ITGA8: variants seen among roughly 807,000 people sequenced by gnomAD.
ITGA8 encodes the protein integrin subunit alpha 8.
In ITGA8, 91 loss-of-function variants were observed where a neutral mutation model predicts 142.3. The observed-to-expected ratio is 0.64, with a 90% CI of 0.54 to 0.76. The LOEUF (loss-of-function observed/expected upper bound fraction) is 0.76, where lower values mean the gene tolerates loss of function less well. Among genes scored for constraint, ITGA8 ranks in the 30% least tolerant of loss-of-function variants. The pLI is 0.00. For synonymous variants in ITGA8, 505 were observed against 485.2 expected, an observed-to-expected ratio of 1.04 and a Z score of -0.54; for missense variants, 1,406 against 1,327.7, an observed-to-expected ratio of 1.06 and a Z score of -0.92.
intron 2 of ITGA8, among the ~76,000 whole-genome samples, chr10:15,711,139 C>G (rs1835355873): frequency 6.6e-6 from 1 of 152,182 alleles, no homozygotes; most frequent in Non-Finnish European, 1.5e-5. Context: ...ATAGGAATGA[C>G]ACAAGGAACA....
chr10:15,659,363 G>A (rs951575816), intron 9 of ITGA8, among the ~76,000 whole-genome samples: 1 of 152,160 alleles, frequency 6.6e-6, no homozygotes, highest in African/African-American at 2.4e-5. Flanking sequence ...GATTTAGTCA[G>A]GATTTTTGTC....
At chr10:15,605,464 C>A (rs1217377922) in intron 19 of ITGA8, among the ~76,000 whole-genome samples, 1 of 138,858 alleles carries the variant, frequency 7.2e-6, no homozygotes, top group Admixed American at 7.3e-5. Context: ...AATGAGTTTA[C>A]TTTCAACAAA....
At position 15,694,283 on chromosome 10, in the gene ITGA8, C is replaced by A. The variant is rs1440841748; in HGVS notation, c.344-6245G>T. Among the ~76,000 whole-genome samples, 5 of 83,744 alleles carry A rather than the reference C, an allele frequency of 6.0e-5. 1 individual carries two copies. The highest frequency in any genetic ancestry group is 2.2e-4 in the African/African-American group (5 of 22,836). The allele number at this position is 83,744 out of a possible 152,430, so 54.9% of individuals were successfully genotyped here. A position where few individuals can be genotyped will look rare whatever the true frequency, so the allele number is the denominator to read the frequency against. On this transcript the variant is annotated intron_variant, in intron 2 of 29. Transcript: ENST00000378076. The stretch of plus-strand genomic sequence containing the variant: ...ATACATCAGATAATATATCATACAT[C>A]AGATAATATATCATATATATGATAA...
intron 25 of ITGA8, among the ~76,000 whole-genome samples, chr10:15,566,777 A>C (rs1416663098): frequency 6.7e-6 from 1 of 148,852 alleles, no homozygotes; most frequent in Non-Finnish European, 1.5e-5. Context: ...GTGCCACTGC[A>C]CTCCAGCCCA....
intron 23 of ITGA8, among the ~76,000 whole-genome samples, chr10:15,577,856 A>G (rs1179617536): frequency 2.0e-5 from 3 of 152,216 alleles, no homozygotes; most frequent in African/African-American, 7.2e-5. Flanking sequence ...ACGTTATCCC[A>G]GTAAGACCCT....
chr10:15,531,218 C>T, intron 27 of ITGA8, 67 bp from the exon 28 acceptor site: 1 of 789,456 alleles, frequency 1.3e-6, no homozygotes, highest in Non-Finnish European at 1.9e-6. Flanking sequence ...CTGGCAGCCA[C>T]CTAATTATTT....
chr10:15,655,614 G>A (rs983022456), intron 10 of ITGA8, among the ~76,000 whole-genome samples: 3 of 152,074 alleles, frequency 2.0e-5, no homozygotes, highest in East Asian at 3.9e-4. Flanking sequence ...CCTGACATCT[G>A]CTTGGACATC....
In ITGA8 at chr10:15,644,496, T is replaced by A. The variant is rs1440184772; in HGVS notation, c.1208-275A>T. Among the ~76,000 whole-genome samples, 5 of 7,356 alleles carry A rather than the reference T, an allele frequency of 6.8e-4. 1 individual carries two copies. Among genetic ancestry groups the A allele is most frequent in the East Asian group, 0.062 (2 of 32 alleles). The allele number at this position is 7,356 out of a possible 152,430, so 4.8% of individuals were successfully genotyped here. A position where few individuals can be genotyped will look rare whatever the true frequency, so the allele number is the denominator to read the frequency against. ...TATATATATATATATATATATAGAATTTTTTTTTTTTTTTGAGCAATGGGT... is the reference window on the plus strand; with the variant it reads ...TATATATATATATATATATATAGAAATTTTTTTTTTTTTTGAGCAATGGGT... On this transcript the variant is annotated intron_variant, in intron 12 of 29. Coordinates refer to ENST00000378076, the MANE Select transcript of ITGA8 (RefSeq NM_003638.3).
chr10:15,536,221 C>G lies in ITGA8; in HGVS notation c.2881-5070G>C, dbSNP rs558952548. Among the ~76,000 whole-genome samples, 122 of 151,622 alleles carry G rather than the reference C, an allele frequency of 8.0e-4. 1 individual carries two copies. The highest frequency in any genetic ancestry group is 2.8e-3 in the African/African-American group (114 of 41,246). On this transcript the variant is annotated intron_variant, in intron 27 of 29. Coordinates refer to ENST00000378076, the MANE Select transcript of ITGA8 (RefSeq NM_003638.3). Reference sequence around the variant, plus strand: ...ATAAGCAAACAGCCTGTAACACCACCTCTCCTAGATCAATCTGTTTTTTGT... The same window carrying G: ...ATAAGCAAACAGCCTGTAACACCACGTCTCCTAGATCAATCTGTTTTTTGT...
chr10:15,704,955 C>T (rs182639405), intron 2 of ITGA8, among the ~76,000 whole-genome samples: 17 of 152,170 alleles, frequency 1.1e-4, no homozygotes, highest in African/African-American at 3.6e-4. Flanking sequence ...TAAAGGGTCC[C>T]AACCATTCAC....
rs1207305621 is a variant in ITGA8 at position 15,664,375 on chromosome 10, G to GA, written c.848-3454dup. On this transcript the variant is annotated intron_variant, in intron 8 of 29. Coordinates refer to ENST00000378076, the MANE Select transcript of ITGA8 (RefSeq NM_003638.3). ...CTAAAAGAAAAATGTTCTTTCAAAG[G>GA]AAAAAATAAAACCTGATTATCTTCA... Among the ~76,000 whole-genome samples the GA allele has an allele frequency of 2.6e-5, 4 of 152,136 alleles. No homozygotes were observed. In the East Asian group the frequency reaches 7.7e-4, roughly 29 times the overall value.
intron 6 of ITGA8, among the ~76,000 whole-genome samples, chr10:15,673,532 G>C (rs934032144): frequency 1.3e-5 from 2 of 152,136 alleles, no homozygotes; most frequent in African/African-American, 4.8e-5. Flanking sequence ...TAGGATATCA[G>C]GCATTACAGC....
At chr10:15,529,177 A>G (rs1833242656) in intron 28 of ITGA8, among the ~76,000 whole-genome samples, 1 of 152,050 alleles carries the variant, frequency 6.6e-6, no homozygotes, top group Non-Finnish European at 1.5e-5. Context: ...CTTGAACTCC[A>G]GGGCTCAAGT....
chr10:15,668,600 G>A (rs1000152026), intron 8 of ITGA8, among the ~76,000 whole-genome samples: 1 of 152,162 alleles, frequency 6.6e-6, no homozygotes, highest in Non-Finnish European at 1.5e-5. Flanking sequence ...AGTTGATGCA[G>A]TTTCTTCCTA....
At chr10:15,691,701 G>C (rs1031356959) in intron 2 of ITGA8, among the ~76,000 whole-genome samples, 1 of 152,146 alleles carries the variant, frequency 6.6e-6, no homozygotes, top group Non-Finnish European at 1.5e-5. Flanking sequence ...AGGCTGGGGA[G>C]GGCAGAAGGG....
chr10:15,630,949 G>C (rs1275920004), intron 13 of ITGA8, among the ~76,000 whole-genome samples: 1 of 151,900 alleles, frequency 6.6e-6, no homozygotes, highest in Non-Finnish European at 1.5e-5. Context: ...TCATACGTTT[G>C]TTGGCTGCAT....
chr10:15,682,071 T>A (rs562345341), intron 4 of ITGA8, among the ~76,000 whole-genome samples: 5 of 152,166 alleles, frequency 3.3e-5, no homozygotes, highest in Non-Finnish European at 7.3e-5. Flanking sequence ...TCTTCTCTCC[T>A]CCAATAATCA....
In ITGA8 at chr10:15,515,782, A is replaced by G. The variant is rs1456795434; in HGVS notation, c.*1376T>C. On this transcript the variant is annotated 3_prime_UTR_variant, in exon 30 of 30. Transcript: ENST00000378076. ...GGTCAATTTTACTTCAAAAATGATA[A>G]TATTACAAGATTATGAATTATTTAC... The G allele has an allele frequency of 6.6e-6, 1 of 152,224 alleles. No homozygotes were observed. 9.4% of individuals were successfully genotyped at this position (152,224 alleles called of 1,614,324 possible).
intron 22 of ITGA8, 31 bp downstream of exon 22, chr10:15,592,194 T>C (rs745363417): frequency 9.3e-5 from 141 of 1,509,636 alleles, no homozygotes; most frequent in Non-Finnish European, 1.2e-4. Flanking sequence ...TTTTGACTGC[T>C]GTCAACGATA....
Sources: allele counts gnomAD v4.1 joint callset (sites outside exome capture counted in the v4.1 genomes callset), GRCh38; gene constraint gnomAD v4.1.1; transcripts MANE v1.5; gene names NCBI Gene and HGNC (gene_info 2026-07-23, HGNC 2026-07-21).